Variants in PRDX2 observed in about 807,000 individuals in gnomAD.
The protein encoded by PRDX2 is peroxiredoxin 2, also known as peroxiredoxin-2.
PRDX2 carries 10 observed loss-of-function variants against 19.8 expected under a neutral mutation model. The observed-to-expected ratio is 0.50, with a 90% confidence interval of 0.31 to 0.86. The LOEUF (loss-of-function observed/expected upper bound fraction) is 0.86, where lower values mean the gene tolerates loss of function less well. Among genes scored for constraint, PRDX2 ranks in the 40% least tolerant of loss-of-function variants. The probability of loss-of-function intolerance (pLI) is 0.04; values close to 1 mark genes in which losing one functional copy is unlikely to be tolerated. For missense variants in PRDX2, 226 were observed against 260.1 expected (o/e 0.87, Z 0.90); for synonymous variants, 118 against 108.2 (o/e 1.09, Z -0.56).
intron 5 of PRDX2, among the ~76,000 whole-genome samples, chr19:12,798,554 T>C (rs1268793573): frequency 6.6e-6 from 1 of 151,620 alleles, no homozygotes; most frequent in Non-Finnish European, 1.5e-5. Context: ...TTTCTCCATG[T>C]CGGTCAAGCT....
chr19:12,799,191 G>A (rs1005209427), intron 5 of PRDX2, among the ~76,000 whole-genome samples: 2 of 151,446 alleles, frequency 1.3e-5, no homozygotes, highest in South Asian at 4.2e-4. Context: ...GAGCCACCGC[G>A]CTCGGCCTGT....
rs1321932913 is a variant in PRDX2 at position 12,797,656 on chromosome 19, C to CTTTCTTTTTTTT, written c.512-491_512-490insAAAAAAAAGAAA. On this transcript the variant is annotated intron_variant, in intron 5 of 5. Coordinates refer to ENST00000301522, the MANE Select transcript of PRDX2 (RefSeq NM_005809.6). ...TTCTTTTCTTCTTTTTTCTTTCTTT[C>CTTTCTTTTTTTT]TTTTTTTTTTTTTTTTTTTGAGACA... 3.4e-3 allele frequency among the ~76,000 whole-genome samples: 385 copies of CTTTCTTTTTTTT among 113,050 alleles called. 12 individuals carry two copies. Among genetic ancestry groups the CTTTCTTTTTTTT allele is most frequent in the African/African-American group, 0.013 (352 of 27,560 alleles). The allele number at this position is 113,050 out of a possible 152,430, so 74.2% of individuals were successfully genotyped here.
In PRDX2 at chr19:12,801,312, G is replaced by A. The variant is rs573692140; in HGVS notation, c.-9-42C>T. ...GTCAGTGCGCCCGGGAAGACACTTT[G>A]TCCTCCCAACCCAAGGTCGCGCTGC... On this transcript the variant is annotated intron_variant, in intron 1 of 5. Transcript: ENST00000301522. The A allele has an allele frequency of 2.6e-4, 410 of 1,566,108 alleles. 5 individuals are homozygous for A. The South Asian group carries it at 4.6e-3, about 18-fold the overall frequency.
rs558298833 is a variant in PRDX2 at position 12,797,468 on chromosome 19, G to A, written c.512-302C>T. On this transcript the variant is annotated intron_variant, in intron 5 of 5. Coordinates refer to ENST00000301522, the MANE Select transcript of PRDX2 (RefSeq NM_005809.6). ...ACTCCCTAGCTGGAATTACAGAGGTGCACCACCACGCCTGGCTAATTTTTG... is the reference window on the plus strand; with the variant it reads ...ACTCCCTAGCTGGAATTACAGAGGTACACCACCACGCCTGGCTAATTTTTG... 4.4e-4 allele frequency among the ~76,000 whole-genome samples: 67 copies of A among 151,764 alleles called. 1 individual carries two copies. In the South Asian group the frequency reaches 7.9e-3, roughly 18 times the overall value.
chr19:12,801,672 A>G (rs557072960), intron 1 of PRDX2, 68 bp downstream of exon 1: 1 of 322,732 alleles, frequency 3.1e-6, no homozygotes, highest in South Asian at 4.9e-5. Context: ...GGCCAGCACT[A>G]AAGTCAGGAT....
At position 12,799,989 on chromosome 19, in the gene PRDX2, C is replaced by G. The variant is rs775211105; in HGVS notation, c.381G>C (p.Arg127Ser). 2 of 1,613,686 alleles carry G rather than the reference C, an allele frequency of 1.2e-6. No individual in the cohort carries two copies. The highest frequency in any genetic ancestry group is 4.5e-5 in the East Asian group (2 of 44,870). ...CCTTGCCATCGATGATAAAGAGGCCCCTGAAGACATCAGGGTTCCCAGTGA... is the reference window on the plus strand; with the variant it reads ...CCTTGCCATCGATGATAAAGAGGCCGCTGAAGACATCAGGGTTCCCAGTGA... ...VLKTDEGIAYRGLFIIDGKGV... is the reference protein window; with the variant it reads ...VLKTDEGIAYSGLFIIDGKGV... Residue 127 changes from arginine to serine, a missense_variant and splice_region_variant, in exon 5 of 6, where the codon AGG becomes AGC. Transcript: ENST00000301522.
At chr19:12,799,422 C>T (rs1056977995) in intron 5 of PRDX2, 6 of 160,222 alleles carry the variant, frequency 3.7e-5, no homozygotes, top group East Asian at 1.8e-4. Context: ...TACAACGGTG[C>T]GATCTCAGCT....
intron 5 of PRDX2, 30 bp downstream of exon 5, chr19:12,799,829 T>C (rs1430146846): frequency 6.2e-7 from 1 of 1,609,638 alleles, no homozygotes; most frequent in Admixed American, 1.7e-5. Flanking sequence ...GCTCAGTATG[T>C]ACCCATGTGT....
chr19:12,797,656 C>CTTTCTTTCTTT (rs1321932913), intron 5 of PRDX2, among the ~76,000 whole-genome samples: 5 of 113,062 alleles, frequency 4.4e-5, no homozygotes, highest in African/African-American at 1.8e-4. Context: ...TTCTTTCTTT[C>CTTTCTTTCTTT]TTTTTTTTTT....
At chr19:12,800,537 G>T in intron 3 of PRDX2, 2 of 790,782 alleles carry the variant, frequency 2.5e-6, no homozygotes, top group Non-Finnish European at 3.9e-6. Context: ...CTTGTAACTT[G>T]CAGCATCACC....
At position 12,801,156 on chromosome 19, in the gene PRDX2, C is replaced by T. The variant is rs916842183; in HGVS notation, c.103+3G>A. The stretch of plus-strand genomic sequence containing the variant: ...ACCTGGGCCCCCTCCGGGCGGCGCT[C>T]ACCTTTGTAGTCCGACAGCTTCACC... On this transcript the variant is annotated splice_donor_region_variant and intron_variant, in intron 2 of 5. Coordinates refer to ENST00000301522, the MANE Select transcript of PRDX2 (RefSeq NM_005809.6). 27 of 1,613,878 alleles carry T rather than the reference C, an allele frequency of 1.7e-5. No individual in the cohort carries two copies. Among genetic ancestry groups the T allele is most frequent in the Non-Finnish European group, 2.3e-5 (27 of 1,180,038 alleles).
intron 3 of PRDX2, 61 bp downstream of exon 3, chr19:12,800,855 A>T (rs1422819369): frequency 1.3e-6 from 2 of 1,560,440 alleles, no homozygotes; most frequent in East Asian, 2.4e-5. Flanking sequence ...ACGAAGCCAC[A>T]CTGCTAGGAC....
At chr19:12,800,580 T>A in intron 3 of PRDX2, 1 of 963,206 alleles carries the variant, frequency 1.0e-6, no homozygotes, top group Non-Finnish European at 1.5e-6. Flanking sequence ...GTCCCCATCC[T>A]CCTCTAGCTG....
At chr19:12,800,504 C>A (rs1029664083) in intron 3 of PRDX2, 21 of 801,646 alleles carry the variant, frequency 2.6e-5, no homozygotes, top group Non-Finnish European at 3.3e-5. Context: ...AGGCACAGCT[C>A]CAGCTAAGTG....
chr19:12,798,248 C>T (rs1362513303), intron 5 of PRDX2, among the ~76,000 whole-genome samples: 3 of 151,832 alleles, frequency 2.0e-5, no homozygotes, highest in East Asian at 3.9e-4. Flanking sequence ...GGTTTCACCG[C>T]GTTAGCTAGG....
rs768300666 is a variant in PRDX2 at position 12,800,191 on chromosome 19, C to T, written c.366G>A (p.Glu122=). ...TCCCACAGTACCTGTAGGCAATGCC[C>T]TCATCTGTTTTCAGCACGCCGTAAT... is the stretch of plus-strand genomic sequence containing the variant. ...SEDYGVLKTD[E]GIAYRGLFII... is the part of the protein sequence containing the mutation. Residue 122 remains glutamate, a synonymous_variant, in exon 4 of 6, where the codon GAG becomes GAA. Coordinates refer to ENST00000301522, the MANE Select transcript of PRDX2 (RefSeq NM_005809.6). The T allele has an allele frequency of 1.2e-6, 2 of 1,613,858 alleles. No homozygotes were observed. The highest frequency in any genetic ancestry group is 4.5e-5 in the East Asian group (2 of 44,884).
intron 4 of PRDX2, 69 bp downstream of exon 4, chr19:12,800,108 G>A (rs1455348813): frequency 1.2e-6 from 2 of 1,602,756 alleles, no homozygotes; most frequent in Non-Finnish European, 1.7e-6. Flanking sequence ...CATTGTACAG[G>A]AGTGGTCCCA....
At chr19:12,800,465 T>G in intron 3 of PRDX2, 166 bp from the exon 4 acceptor site, 1 of 938,770 alleles carries the variant, frequency 1.1e-6, no homozygotes. Context: ...AAGGACTGTA[T>G]CCCCATGGCT....
At position 12,801,278 on chromosome 19, in the gene PRDX2, C is replaced by T. The variant is rs933227452; in HGVS notation, c.-9-8G>A. On this transcript the variant is annotated splice_polypyrimidine_tract_variant and splice_region_variant and intron_variant, in intron 1 of 5. Coordinates refer to ENST00000301522, the MANE Select transcript of PRDX2 (RefSeq NM_005809.6). ...GGAGGCCATGACTGAAAGCTGAGAC[C>T]CCCGCCCGGTCAGTGCGCCCGGGAA... The T allele has an allele frequency of 1.2e-6, 2 of 1,603,850 alleles. No individual in the cohort carries two copies. The highest frequency in any genetic ancestry group is 1.7e-6 in the Non-Finnish European group (2 of 1,175,550).
Sources: gnomAD v4.1 joint callset for allele counts (sites outside exome capture counted in the v4.1 genomes callset) on GRCh38, gnomAD v4.1.1 for gene constraint, MANE v1.5 for transcripts, NCBI Gene and HGNC (gene_info 2026-07-23, HGNC 2026-07-21) for gene names.